Variants in FZD3 observed in about 807,000 individuals in gnomAD.
The protein encoded by FZD3 is frizzled-3.
Under a neutral mutation model 60.7 loss-of-function variants are expected in FZD3, and 30 were observed. The observed-to-expected ratio is 0.49, with a 90% CI of 0.37 to 0.67. The LOEUF (loss-of-function observed/expected upper bound fraction) is 0.67, where lower values mean the gene tolerates loss of function less well. FZD3 is among the 30% of genes least tolerant of loss of function. FZD3 has a pLI of 0.00. For synonymous variants in FZD3, 246 were observed against 275.2 expected (o/e 0.89, Z 1.05); for missense variants, 605 against 838.7 (o/e 0.72, Z 3.44).
chr8:28,543,526 A>G (rs1318909162), intron 5 of FZD3, among the ~76,000 whole-genome samples: 2 of 152,038 alleles, frequency 1.3e-5, no homozygotes, highest in African/African-American at 4.8e-5. Context: ...GATTGCAGGC[A>G]CCTGCCACCA....
At position 28,567,769 on chromosome 8, in the gene FZD3, A is replaced by C. The variant is rs1438630682; in HGVS notation, c.*4758A>C. 6.6e-6 allele frequency: 1 copy of C among 152,208 alleles called. No homozygotes were observed. The highest frequency in any genetic ancestry group is 1.5e-5 in the Non-Finnish European group (1 of 68,026). The allele number at this position is 152,208 out of a possible 1,614,324, so 9.4% of individuals were successfully genotyped here. ...TGCTCTTAAATTGTATTGGTTCTTT[A>C]ATATGTGTTATACCAGAGTATGCCT... On this transcript the variant is annotated 3_prime_UTR_variant, in exon 8 of 8. Coordinates refer to ENST00000240093, the MANE Select transcript of FZD3 (RefSeq NM_017412.4).
At chr8:28,538,474 G>T (rs1294888003) in intron 5 of FZD3, among the ~76,000 whole-genome samples, 1 of 152,108 alleles carries the variant, frequency 6.6e-6, no homozygotes, top group East Asian at 1.9e-4. Flanking sequence ...GAGAAAACTT[G>T]AGTCTCATAT....
intron 3 of FZD3, among the ~76,000 whole-genome samples, chr8:28,510,811 C>T (rs1420155159): frequency 2.6e-5 from 4 of 151,976 alleles, no homozygotes; most frequent in South Asian, 2.1e-4. Context: ...CCGAGGCGGG[C>T]GGATCACCAG....
At chr8:28,550,330 G>C (rs1377466494) in intron 5 of FZD3, among the ~76,000 whole-genome samples, 2 of 150,344 alleles carry the variant, frequency 1.3e-5, no homozygotes, top group African/African-American at 4.9e-5. Flanking sequence ...TTCTCTATTT[G>C]CATTCTGTGT....
At chr8:28,556,121 C>T (rs1805503878) in intron 7 of FZD3, 150 bp downstream of exon 7, 4 of 621,854 alleles carry the variant, frequency 6.4e-6, no homozygotes, top group Non-Finnish European at 8.5e-6. Flanking sequence ...TATGGTCAGA[C>T]TTAAAGTCAG....
At chr8:28,552,481 AT>A (rs1331592827) in intron 6 of FZD3, among the ~76,000 whole-genome samples, 1 of 152,202 alleles carries the variant, frequency 6.6e-6, no homozygotes, top group Admixed American at 6.5e-5. Flanking sequence ...GGAACAAATG[AT>A]TTCAAACTCT....
intron 1 of FZD3, among the ~76,000 whole-genome samples, chr8:28,497,212 G>T (rs1194438541): frequency 6.6e-6 from 1 of 152,156 alleles, no homozygotes; most frequent in Admixed American, 6.6e-5. Context: ...GTTATTTGTT[G>T]TAATCAGTAG....
In FZD3 at chr8:28,528,459, A is replaced by G. The variant is rs1804777471; in HGVS notation, c.1404+295A>G. Reference sequence around the variant, plus strand: ...GTGTGCAGTTTCGTGGGGGAGAAGCACTTTACCAACGTTTATAAAAATTTG... The same window carrying G: ...GTGTGCAGTTTCGTGGGGGAGAAGCGCTTTACCAACGTTTATAAAAATTTG... On this transcript the variant is annotated intron_variant, in intron 5 of 7. Coordinates refer to ENST00000240093, the MANE Select transcript of FZD3 (RefSeq NM_017412.4). Among the ~76,000 whole-genome samples, 4 of 151,786 alleles carry G rather than the reference A, an allele frequency of 2.6e-5. No individual in the cohort carries two copies. The South Asian group carries it at 8.3e-4, about 32-fold the overall frequency.
intron 5 of FZD3, among the ~76,000 whole-genome samples, chr8:28,529,688 T>A (rs1453002105): frequency 6.6e-6 from 1 of 152,186 alleles, no homozygotes; most frequent in African/African-American, 2.4e-5. Context: ...AATGATATTT[T>A]ATCATTATAT....
At chr8:28,542,165 C>T (rs551216200) in intron 5 of FZD3, among the ~76,000 whole-genome samples, 3 of 145,248 alleles carry the variant, frequency 2.1e-5, no homozygotes, top group Non-Finnish European at 3.0e-5. Flanking sequence ...TCTTTGACTT[C>T]GTCTCCTACC....
In FZD3 at chr8:28,502,922, G is replaced by A; in HGVS notation, c.-92G>A. On this transcript the variant is annotated 5_prime_UTR_variant, in exon 3 of 8. Transcript: ENST00000240093. ...AATTTAACAGTAAGATACAGAAGAA[G>A]TACCTTCGAGCTGAGACCTGCAGGT... 1 of 745,122 alleles carries A rather than the reference G, an allele frequency of 1.3e-6. No individual in the cohort carries two copies. Among genetic ancestry groups the A allele is most frequent in the Non-Finnish European group, 2.2e-6 (1 of 447,828 alleles). The allele number at this position is 745,122 out of a possible 1,614,324, so 46.2% of individuals were successfully genotyped here.
intron 5 of FZD3, among the ~76,000 whole-genome samples, chr8:28,536,212 G>A (rs1424733861): frequency 1.3e-5 from 2 of 151,904 alleles, no homozygotes; most frequent in East Asian, 3.9e-4. Context: ...CATCGATTTT[G>A]AAAAGCACAT....
intron 5 of FZD3, among the ~76,000 whole-genome samples, chr8:28,550,197 AT>A (rs1805378070): frequency 6.6e-6 from 1 of 151,788 alleles, no homozygotes; most frequent in Non-Finnish European, 1.5e-5. Context: ...ATCTGTTTAA[AT>A]TTTTTTATTT....
At chr8:28,542,722 T>C (rs1805199216) in intron 5 of FZD3, among the ~76,000 whole-genome samples, 1 of 152,186 alleles carries the variant, frequency 6.6e-6, no homozygotes, top group Non-Finnish European at 1.5e-5. Flanking sequence ...ACCTTGTGTT[T>C]TAGTTCTTAT....
At chr8:28,516,197 A>G (rs139009478) in intron 3 of FZD3, among the ~76,000 whole-genome samples, 30 of 152,334 alleles carry the variant, frequency 2.0e-4, no homozygotes, top group African/African-American at 6.5e-4. Flanking sequence ...TTTGTTGAAA[A>G]TGAATTGGCC....
chr8:28,530,450 TG>T (rs1266837685), intron 5 of FZD3: 1 of 152,138 alleles, frequency 6.6e-6, no homozygotes, highest in Non-Finnish European at 1.5e-5. Context: ...CGATGTCTTC[TG>T]ATCTCGGAAG....
chr8:28,508,803 A>T (rs1340581660), intron 3 of FZD3, among the ~76,000 whole-genome samples: 1 of 152,072 alleles, frequency 6.6e-6, no homozygotes, highest in African/African-American at 2.4e-5. Flanking sequence ...GGAATTACAG[A>T]TGTGAACCAC....
At chr8:28,525,485 A>G (rs1804693327) in intron 4 of FZD3, among the ~76,000 whole-genome samples, 1 of 152,178 alleles carries the variant, frequency 6.6e-6, no homozygotes, top group South Asian at 2.1e-4. Flanking sequence ...CGGGCCAGGC[A>G]AAGGAAACAG....
chr8:28,521,495 G>T (rs1804578291), intron 4 of FZD3, among the ~76,000 whole-genome samples: 1 of 151,738 alleles, frequency 6.6e-6, no homozygotes, highest in South Asian at 2.1e-4. Context: ...ATCTAGCTTT[G>T]CCCAATCTTA....
Sources: gnomAD v4.1 joint callset for allele counts (sites outside exome capture counted in the v4.1 genomes callset) on GRCh38, gnomAD v4.1.1 for gene constraint, MANE v1.5 for transcripts, NCBI Gene and HGNC (gene_info 2026-07-23, HGNC 2026-07-21) for gene names.